TSPAN18: variants seen among roughly 807,000 people sequenced by gnomAD.
TSPAN18 encodes tetraspanin 18.
In TSPAN18, 14 loss-of-function variants were observed where a neutral mutation model predicts 27.3. The ratio of observed to expected loss-of-function variants is 0.51; its 90% CI spans 0.34 to 0.80. The LOEUF (loss-of-function observed/expected upper bound fraction) is 0.80, where lower values mean the gene tolerates loss of function less well. Ranked by LOEUF, TSPAN18 falls within the 30% of genes least tolerant of loss-of-function variation. TSPAN18 has a pLI of 0.01. For synonymous variants in TSPAN18, 143 were observed against 136.5 expected, an observed-to-expected ratio of 1.05 and a Z score of -0.33; for missense variants, 268 against 323.9, an observed-to-expected ratio of 0.83 and a Z score of 1.32.
rs112703172 is a variant in TSPAN18 at position 44,837,124 on chromosome 11, T to G, written c.-152-23204T>G. On this transcript the variant is annotated intron_variant, in intron 2 of 9. Coordinates refer to ENST00000520358, the MANE Select transcript of TSPAN18 (RefSeq NM_130783.5). ...TAGCAGCCATAGATAGTGATTCCTC[T>G]GATGGATCTGGGCAAAGTATATTGA... Among the ~76,000 whole-genome samples the G allele has an allele frequency of 8.2e-3, 1,245 of 152,386 alleles. 14 individuals are homozygous for G. The highest frequency in any genetic ancestry group is 0.012 in the Non-Finnish European group (837 of 68,038).
At chr11:44,906,661 A>G (rs757346280) in intron 4 of TSPAN18, among the ~76,000 whole-genome samples, 182 bp downstream of exon 4, 8 of 152,098 alleles carry the variant, frequency 5.3e-5, no homozygotes, top group Non-Finnish European at 1.2e-4. Flanking sequence ...CACTCTGAAG[A>G]GCCCACCTTC....
chr11:44,829,008 G>A (rs1249724789), intron 2 of TSPAN18, among the ~76,000 whole-genome samples: 2 of 152,094 alleles, frequency 1.3e-5, no homozygotes, highest in African/African-American at 2.4e-5. Flanking sequence ...TTTTAAAAAC[G>A]AATGTTTATT....
intron 1 of TSPAN18, among the ~76,000 whole-genome samples, chr11:44,757,474 C>T (rs1444419168): frequency 6.6e-6 from 1 of 152,118 alleles, no homozygotes; most frequent in East Asian, 1.9e-4. Context: ...GCCTCTTTCT[C>T]TCATACTTAA....
At chr11:44,787,949 G>A (rs1157062415) in intron 2 of TSPAN18, among the ~76,000 whole-genome samples, 1 of 152,114 alleles carries the variant, frequency 6.6e-6, no homozygotes, top group Non-Finnish European at 1.5e-5. Context: ...TGTTCACTGT[G>A]GACCTACTAG....
intron 8 of TSPAN18, among the ~76,000 whole-genome samples, chr11:44,922,880 G>A (rs1039753618): frequency 6.6e-5 from 10 of 152,146 alleles, no homozygotes; most frequent in Non-Finnish European, 1.2e-4. Context: ...AGGCCGAGGC[G>A]GGCGGATCAC....
intron 2 of TSPAN18, among the ~76,000 whole-genome samples, chr11:44,840,829 C>T (rs952290283): frequency 6.6e-6 from 1 of 152,192 alleles, no homozygotes; most frequent in African/African-American, 2.4e-5. Flanking sequence ...GGCACGGGGC[C>T]ATCATCCTCC....
intron 2 of TSPAN18, among the ~76,000 whole-genome samples, chr11:44,850,079 G>A (rs543075710): frequency 2.6e-5 from 4 of 152,152 alleles, no homozygotes; most frequent in Non-Finnish European, 5.9e-5. Context: ...AGGACCAACA[G>A]AGAAGAAGGC....
At chr11:44,916,419 C>T (rs747652446) in intron 5 of TSPAN18, among the ~76,000 whole-genome samples, 55 of 152,168 alleles carry the variant, frequency 3.6e-4, no homozygotes, top group Non-Finnish European at 7.1e-4. Flanking sequence ...CACCAGGAGC[C>T]GGGCCTCGGA....
At chr11:44,730,153 G>A (rs1854617597) in intron 1 of TSPAN18, among the ~76,000 whole-genome samples, 1 of 152,070 alleles carries the variant, frequency 6.6e-6, no homozygotes, top group South Asian at 2.1e-4. Context: ...CCTGCGTTGA[G>A]TGAATGCAGC....
chr11:44,747,583 C>T (rs965194675), intron 1 of TSPAN18, among the ~76,000 whole-genome samples: 6 of 152,068 alleles, frequency 3.9e-5, no homozygotes, highest in African/African-American at 1.2e-4. Context: ...CCATTTGGGT[C>T]GACTTTGGTA....
intron 2 of TSPAN18, among the ~76,000 whole-genome samples, chr11:44,811,460 A>AT (rs11326558): frequency 3.3e-4 from 44 of 132,700 alleles, no homozygotes; most frequent in Admixed American, 2.4e-3. Flanking sequence ...ACATTTTAGG[A>AT]TTTTTTTTTT....
chr11:44,801,726 A>G (rs1403686107), intron 2 of TSPAN18, among the ~76,000 whole-genome samples: 2 of 152,218 alleles, frequency 1.3e-5, no homozygotes, highest in Non-Finnish European at 2.9e-5. Context: ...TCACCTGTAG[A>G]ATGGTGGCAA....
intron 1 of TSPAN18, among the ~76,000 whole-genome samples, chr11:44,761,743 A>G (rs1417375902): frequency 6.6e-6 from 1 of 152,252 alleles, no homozygotes; most frequent in Admixed American, 6.5e-5. Context: ...CGTGGCTGAC[A>G]GGCACTCTTG....
chr11:44,893,038 G>A (rs1375607846), intron 3 of TSPAN18, among the ~76,000 whole-genome samples: 14 of 152,232 alleles, frequency 9.2e-5, no homozygotes, highest in Admixed American at 3.9e-4. Flanking sequence ...GCAAGAGCCC[G>A]TCCCTCTCTG....
At chr11:44,905,018 T>C (rs544506072) in intron 3 of TSPAN18, among the ~76,000 whole-genome samples, 1 of 152,278 alleles carries the variant, frequency 6.6e-6, no homozygotes, top group South Asian at 2.1e-4. Context: ...CTGGGCACAG[T>C]GCTGGATCCC....
intron 2 of TSPAN18, among the ~76,000 whole-genome samples, chr11:44,853,843 C>G (rs1857662578): frequency 6.6e-6 from 1 of 152,228 alleles, no homozygotes; most frequent in East Asian, 1.9e-4. Flanking sequence ...AGGCCGCAGC[C>G]CTCTGGGCCT....
chr11:44,738,637 G>A (rs574929211), intron 1 of TSPAN18, among the ~76,000 whole-genome samples: 8 of 152,224 alleles, frequency 5.3e-5, no homozygotes, highest in South Asian at 2.1e-4. Context: ...CCGTGTCCTC[G>A]CACAGCCTTT....
rs559995235 is a variant in TSPAN18 at position 44,876,994 on chromosome 11, G to T, written c.-11+16525G>T. Among the ~76,000 whole-genome samples, 3 of 152,352 alleles carry T rather than the reference G, an allele frequency of 2.0e-5. No individual in the cohort carries two copies. In the South Asian group the frequency reaches 6.2e-4, roughly 32 times the overall value. On this transcript the variant is annotated intron_variant, in intron 3 of 9. Coordinates refer to ENST00000520358, the MANE Select transcript of TSPAN18 (RefSeq NM_130783.5). ...GTGCCTCCTCCCCCAGGCCCCTGCA[G>T]AGCCTGCAGCGGACGCCAGGATGGA...
At chr11:44,778,609 C>T (rs1247217540) in intron 2 of TSPAN18, among the ~76,000 whole-genome samples, 6 of 152,200 alleles carry the variant, frequency 3.9e-5, no homozygotes, top group African/African-American at 1.4e-4. Flanking sequence ...AGAGGGATGG[C>T]TCACTTGGTC....
Sources: gnomAD v4.1 joint callset for allele counts (sites outside exome capture counted in the v4.1 genomes callset) on GRCh38, gnomAD v4.1.1 for gene constraint, MANE v1.5 for transcripts, NCBI Gene and HGNC (gene_info 2026-07-23, HGNC 2026-07-21) for gene names.